Variants in GP9 observed in about 807,000 individuals in gnomAD.
GP9 encodes the protein glycoprotein IX platelet, also known as platelet glycoprotein IX.
For synonymous variants in GP9, 116 were observed against 116.7 expected (o/e 0.99, Z 0.04); for missense variants, 228 against 241.8 (o/e 0.94, Z 0.38).
At chr3:129,058,805 C>A (rs1432234504), upstream of GP9, among the ~76,000 whole-genome samples, 1 of 152,274 alleles carries the variant, frequency 6.6e-6, no homozygotes, top group Non-Finnish European at 1.5e-5. Context: ...CTGCTATGCA[C>A]TGCTGCTTCA....
the GP9 span, among the ~76,000 whole-genome samples, chr3:129,055,662 T>C: frequency 6.6e-6 from 1 of 151,200 alleles, no homozygotes; most frequent in African/African-American, 2.4e-5. Flanking sequence ...TTTTTTTTTT[T>C]AAGACAGAGT....
At chr3:129,055,690 G>A in the GP9 span, among the ~76,000 whole-genome samples, 1 of 151,004 alleles carries the variant, frequency 6.6e-6, no homozygotes, top group African/African-American at 2.4e-5. Flanking sequence ...TGTTGCCCAG[G>A]CTGGAGTGCA....
chr3:129,061,832 C>A lies in GP9; in HGVS notation c.93C>A (p.Thr31=). The A allele has an allele frequency of 1.2e-6, 2 of 1,612,882 alleles. No homozygotes were observed. Among genetic ancestry groups the A allele is most frequent in the Non-Finnish European group, 8.5e-7 (1 of 1,179,590 alleles). Residue 31 remains threonine (T), a synonymous_variant, in exon 3 of 3, where the codon ACC becomes ACA. Coordinates refer to ENST00000307395, the MANE Select transcript of GP9 (RefSeq NM_000174.5). ...PSPCTCRALE[T]MGLWVDCRGH... is the part of the protein sequence containing the mutation. ...CATGTACCTGCCGCGCCCTGGAAACCATGGGGCTGTGGGTGGACTGCAGGG... is the reference window on the plus strand; with the variant it reads ...CATGTACCTGCCGCGCCCTGGAAACAATGGGGCTGTGGGTGGACTGCAGGG...
the GP9 span, among the ~76,000 whole-genome samples, chr3:129,055,390 C>T: frequency 6.6e-6 from 1 of 152,218 alleles, no homozygotes; most frequent in Non-Finnish European, 1.5e-5. Flanking sequence ...TACACACAAA[C>T]TAACATCACA....
upstream of GP9, among the ~76,000 whole-genome samples, chr3:129,057,128 G>A (rs1946528648): frequency 6.6e-6 from 1 of 152,214 alleles, no homozygotes; most frequent in Non-Finnish European, 1.5e-5. Context: ...GTGCTGGGGA[G>A]GGAAGAGTTA....
Position 129,061,997 on chromosome 3 carries a change from C to T in GP9, c.258C>T (p.Pro86=). The change falls in exon 3 of 3, where the codon CCC becomes CCT. Residue 86 remains proline, a synonymous_variant. Coordinates refer to ENST00000307395, the MANE Select transcript of GP9 (RefSeq NM_000174.5). ...AGACCCTCGATGTGACGCAGAACCC[C>T]TGGCACTGTGACTGCAGCCTCACCT... ...QLQTLDVTQN[P]WHCDCSLTYL... 2.5e-6 allele frequency: 4 copies of T among 1,613,816 alleles called. No homozygotes were observed. Among genetic ancestry groups the T allele is most frequent in the Non-Finnish European group, 3.4e-6 (4 of 1,179,906 alleles).
At position 129,061,497 on chromosome 3, in the gene GP9, C is replaced by A; in HGVS notation, c.-135C>A. 1 of 597,878 alleles carries A rather than the reference C, an allele frequency of 1.7e-6. No individual in the cohort carries two copies. The highest frequency in any genetic ancestry group is 3.0e-6 in the Non-Finnish European group (1 of 334,642). The allele number at this position is 597,878 out of a possible 1,614,324, so 37.0% of individuals were successfully genotyped here. A position where few individuals can be genotyped will look rare whatever the true frequency, so the allele number is the denominator to read the frequency against. The stretch of plus-strand genomic sequence containing the variant: ...AACAAACTTACCCAATCCACAGCCG[C>A]CCTCACCGCCCGGCCTTCTACGGTG... On this transcript the variant is annotated 5_prime_UTR_variant, in exon 2 of 3. Coordinates refer to ENST00000307395, the MANE Select transcript of GP9 (RefSeq NM_000174.5).
In GP9 at chr3:129,060,806, G is replaced by GT. The variant is rs1946566470; in HGVS notation, c.-183_-182insT. On this transcript the variant is annotated 5_prime_UTR_variant, in exon 1 of 3. Coordinates refer to ENST00000307395, the MANE Select transcript of GP9 (RefSeq NM_000174.5). Reference sequence around the variant, plus strand: ...AGAGTTGCCACCCAGGCCTCAGCCAGGACCTTTCAGGCCAGACAGGAGCAC... The same window carrying GT: ...AGAGTTGCCACCCAGGCCTCAGCCAGTGACCTTTCAGGCCAGACAGGAGCAC... The GT allele has an allele frequency of 6.6e-6, 1 of 152,594 alleles. No individual in the cohort carries two copies. Among genetic ancestry groups the GT allele is most frequent in the Non-Finnish European group, 1.5e-5 (1 of 68,310 alleles). 9.5% of individuals were successfully genotyped at this position (152,594 alleles called of 1,614,324 possible).
chr3:129,061,483 C>A lies in GP9; in HGVS notation c.-138-11C>A, dbSNP rs1218926410. 8 of 585,494 alleles carry A rather than the reference C, an allele frequency of 1.4e-5. No homozygotes were observed. Among genetic ancestry groups the A allele is most frequent in the Non-Finnish European group, 2.4e-5 (8 of 327,128 alleles). 36.3% of individuals were successfully genotyped at this position (585,494 alleles called of 1,614,324 possible). ...TTCCCCTTCCCAAAAACAAACTTACCCAATCCACAGCCGCCCTCACCGCCC... is the reference window on the plus strand; with the variant it reads ...TTCCCCTTCCCAAAAACAAACTTACACAATCCACAGCCGCCCTCACCGCCC... On this transcript the variant is annotated splice_polypyrimidine_tract_variant and intron_variant, in intron 1 of 2. Transcript: ENST00000307395.
At position 129,061,744 on chromosome 3, in the gene GP9, C is replaced by T. The variant is rs757217460; in HGVS notation, c.5C>T (p.Pro2Leu). M[P>L]AWGALFLLWA... ...TCTCTGCAGCCAGCCTGTCCCATGC[C>T]TGCCTGGGGAGCCCTGTTCCTGCTC... is the stretch of plus-strand genomic sequence containing the variant. Residue 2 changes from proline (P) to leucine (L), a missense_variant, in exon 3 of 3, where the codon CCT becomes CTT. Coordinates refer to ENST00000307395, the MANE Select transcript of GP9 (RefSeq NM_000174.5). The T allele has an allele frequency of 3.1e-6, 5 of 1,612,204 alleles. No individual in the cohort carries two copies. The South Asian group carries it at 4.4e-5, about 14-fold the overall frequency.
At position 129,062,207 on chromosome 3, in the gene GP9, C is replaced by T. The variant is rs1031961498; in HGVS notation, c.468C>T (p.Ala156=). ...PGVLWDVALV[A]VAALGLALLA... The stretch of plus-strand genomic sequence containing the variant: ...TCTTGTGGGACGTGGCGCTGGTCGC[C>T]GTGGCCGCGCTGGGCCTGGCTCTTC... The change falls in exon 3 of 3, where the codon GCC becomes GCT. Residue 156 remains alanine (A), a synonymous_variant. Coordinates refer to ENST00000307395, the MANE Select transcript of GP9 (RefSeq NM_000174.5). The T allele has an allele frequency of 5.7e-6, 9 of 1,566,104 alleles. No individual in the cohort carries two copies. The highest frequency in any genetic ancestry group is 5.4e-5 in the African/African-American group (4 of 74,088).
chr3:129,061,563 C>G lies in GP9; in HGVS notation c.-69C>G. ...CCAGGCCTGGGCTGGGCACACTCCA[C>G]CTTCCCTAGTCACCAGCTGGTTTCC... On this transcript the variant is annotated 5_prime_UTR_variant, in exon 2 of 3. Coordinates refer to ENST00000307395, the MANE Select transcript of GP9 (RefSeq NM_000174.5). The G allele has an allele frequency of 1.5e-6, 1 of 660,492 alleles. No homozygotes were observed. The highest frequency in any genetic ancestry group is 1.7e-5 in the South Asian group (1 of 57,312). 40.9% of individuals were successfully genotyped at this position (660,492 alleles called of 1,614,324 possible).
chr3:129,061,182 C>T (rs562574248), intron 1 of GP9, among the ~76,000 whole-genome samples: 9 of 152,282 alleles, frequency 5.9e-5, no homozygotes, highest in African/African-American at 1.9e-4. Flanking sequence ...TTCCCCAAGT[C>T]AGTGTTAGCC....
chr3:129,061,560 C>T lies in GP9; in HGVS notation c.-72C>T. 1.5e-6 allele frequency: 1 copy of T among 657,682 alleles called. No homozygotes were observed. Among genetic ancestry groups the T allele is most frequent in the Non-Finnish European group, 2.7e-6 (1 of 365,856 alleles). The allele number at this position is 657,682 out of a possible 1,614,324, so 40.7% of individuals were successfully genotyped here. A position where few individuals can be genotyped will look rare whatever the true frequency, so the allele number is the denominator to read the frequency against. On this transcript the variant is annotated 5_prime_UTR_variant, in exon 2 of 3. Coordinates refer to ENST00000307395, the MANE Select transcript of GP9 (RefSeq NM_000174.5). ...TAGCCAGGCCTGGGCTGGGCACACT[C>T]CACCTTCCCTAGTCACCAGCTGGTT...
chr3:129,061,991 GA>G lies in GP9; in HGVS notation c.254del (p.Asn85ThrfsTer43). ...PQLQTLDVTQ[N>X]PWHCDCSLTY... Reference sequence around the variant, plus strand: ...AGCTGCAGACCCTCGATGTGACGCAGAACCCCTGGCACTGTGACTGCAGCCT... The same window carrying G: ...AGCTGCAGACCCTCGATGTGACGCAGACCCCTGGCACTGTGACTGCAGCCT... On this transcript the variant is annotated frameshift_variant, in exon 3 of 3. Transcript: ENST00000307395. LOFTEE classifies it low-confidence loss of function (END_TRUNC). The G allele has an allele frequency of 1.2e-6, 2 of 1,613,800 alleles. No individual in the cohort carries two copies. The highest frequency in any genetic ancestry group is 1.7e-6 in the Non-Finnish European group (2 of 1,179,892).
upstream of GP9, among the ~76,000 whole-genome samples, chr3:129,059,796 G>A (rs1946555805): frequency 6.6e-6 from 1 of 152,168 alleles, no homozygotes; most frequent in African/African-American, 2.4e-5. Flanking sequence ...GCCTGAGAAG[G>A]ATGTGAGACC....
Position 129,062,154 on chromosome 3 carries a change from C to G in GP9, c.415C>G (p.Leu139Val), listed in dbSNP as rs933156565. The G allele has an allele frequency of 6.3e-7, 1 of 1,583,530 alleles. No homozygotes were observed. Among genetic ancestry groups the G allele is most frequent in the Non-Finnish European group, 8.6e-7 (1 of 1,168,506 alleles). ...CCAGCTGGGCAGCTGTGGCTGGCAG[C>G]TGCAGGCGTCCTGGGTGCGCCCGGG... The part of the protein sequence containing the change: ...GYQLGSCGWQ[L>V]QASWVRPGVL... The change falls in exon 3 of 3, where the codon CTG (leucine) becomes GTG (valine). Residue 139 changes from leucine (L) to valine (V), a missense_variant. Physicochemically the swap from Leu to Val is conservative, Grantham distance 32. Transcript: ENST00000307395.
chr3:129,058,508 C>G (rs1403214742), upstream of GP9, among the ~76,000 whole-genome samples: 1 of 152,178 alleles, frequency 6.6e-6, no homozygotes, highest in Non-Finnish European at 1.5e-5. Context: ...CAGAAACCAG[C>G]AGATGGGAAC....
upstream of GP9, among the ~76,000 whole-genome samples, chr3:129,060,016 C>T (rs555555593): frequency 2.6e-5 from 4 of 152,282 alleles, no homozygotes; most frequent in South Asian, 2.1e-4. Flanking sequence ...TGCAATGGCA[C>T]GGTCTCGGCT....
Sources: allele counts gnomAD v4.1 joint callset (sites outside exome capture counted in the v4.1 genomes callset), GRCh38; gene constraint gnomAD v4.1.1; transcripts MANE v1.5; gene names NCBI Gene and HGNC (gene_info 2026-07-23, HGNC 2026-07-21).